Variants in ABCA13 observed in about 807,000 individuals in gnomAD.
ABCA13 encodes the protein ATP-binding cassette sub-family A member 13.
In ABCA13, 476 loss-of-function variants were observed where a neutral mutation model predicts 478.7. The ratio of observed to expected loss-of-function variants is 0.99; its 90% CI spans 0.92 to 1.07. The LOEUF (loss-of-function observed/expected upper bound fraction) is 1.07, where lower values mean the gene tolerates loss of function less well. Among genes scored for constraint, ABCA13 ranks in the 50% least tolerant of loss-of-function variants. The pLI, the probability that ABCA13 is intolerant of heterozygous loss-of-function variation, is 0.00. For synonymous variants in ABCA13, 2,252 were observed against 2,158.9 expected (o/e 1.04, Z -1.20); for missense variants, 6,060 against 5,910.6 (o/e 1.03, Z -0.83).
chr7:48,582,206 A>G (rs1402728356), intron 56 of ABCA13, among the ~76,000 whole-genome samples: 5 of 152,228 alleles, frequency 3.3e-5, no homozygotes, highest in Non-Finnish European at 5.9e-5. Flanking sequence ...TTGAAACCAT[A>G]TAAACCAGCT....
At chr7:48,251,469 G>A (rs1443205610) in intron 15 of ABCA13, among the ~76,000 whole-genome samples, 1 of 152,004 alleles carries the variant, frequency 6.6e-6, no homozygotes, top group Admixed American at 6.6e-5. Flanking sequence ...CCTAGCATAG[G>A]TCTCAAAAGT....
At chr7:48,520,893 A>G (rs1000127234) in intron 53 of ABCA13, among the ~76,000 whole-genome samples, 3 of 152,236 alleles carry the variant, frequency 2.0e-5, no homozygotes, top group Non-Finnish European at 4.4e-5. Context: ...CTAAATGCCA[A>G]GAACTCTGGG....
chr7:48,390,806 G>A (rs1319288277), intron 37 of ABCA13, among the ~76,000 whole-genome samples: 1 of 152,192 alleles, frequency 6.6e-6, no homozygotes, highest in East Asian at 1.9e-4. Flanking sequence ...CCACCATATG[G>A]AGGCAACCCA....
chr7:48,511,036 T>C (rs201119105), intron 50 of ABCA13, 48 bp from the exon 51 acceptor site: 1 of 1,415,978 alleles, frequency 7.1e-7, no homozygotes, highest in Non-Finnish European at 1.0e-6. Context: ...ATAATAAATA[T>C]GACCATCTGA....
In ABCA13 at chr7:48,274,719, G is replaced by A. The variant is rs2128756591; in HGVS notation, c.5053G>A (p.Val1685Ile). Residue 1685 changes from valine to isoleucine, a missense_variant, in exon 17 of 62, where the codon GTT becomes ATT. Physicochemically the swap from Val to Ile is conservative, Grantham distance 29 (BLOSUM62 3). Coordinates refer to ENST00000435803, the MANE Select transcript of ABCA13 (RefSeq NM_152701.5). ...CCTTTTAGTGGATCAGCTTGAACAA[G>A]TTAGTGTAAACCTAATGGATTTCTT... ...IDLLVDQLEQVSVNLMDFFKN... is the reference protein window; with the variant it reads ...IDLLVDQLEQISVNLMDFFKN... 6.2e-7 allele frequency: 1 copy of A among 1,613,984 alleles called. No homozygotes were observed.
chr7:48,597,161 A>G (rs996456142), intron 58 of ABCA13, among the ~76,000 whole-genome samples: 4 of 152,082 alleles, frequency 2.6e-5, no homozygotes, highest in East Asian at 3.9e-4. Flanking sequence ...CGTGTTAGCC[A>G]GGATGGTCTC....
rs1277043354 is a variant in ABCA13, at chr7:48,423,073, A to C, written c.12460-4693A>C. The stretch of plus-strand genomic sequence containing the variant: ...CACCACATTTGTGGTAATTTGTTAC[A>C]GCAGTGATAGGAAATTCATACAAGC... On this transcript the variant is annotated intron_variant, in intron 41 of 61. Coordinates refer to ENST00000435803, the MANE Select transcript of ABCA13 (RefSeq NM_152701.5). Among the ~76,000 whole-genome samples, 3 of 152,358 alleles carry C rather than the reference A, an allele frequency of 2.0e-5. No homozygotes were observed. In the South Asian group the frequency reaches 6.2e-4, roughly 32 times the overall value.
intron 1 of ABCA13, among the ~76,000 whole-genome samples, chr7:48,180,936 A>G (rs1437174211): frequency 6.6e-6 from 1 of 152,156 alleles, no homozygotes; most frequent in African/African-American, 2.4e-5. Context: ...AAACAAACAA[A>G]CAAACAAACA....
At chr7:48,497,300 A>G (rs901098674) in intron 48 of ABCA13, among the ~76,000 whole-genome samples, 1 of 151,982 alleles carries the variant, frequency 6.6e-6, no homozygotes, top group Non-Finnish European at 1.5e-5. Context: ...AATCATTTAT[A>G]TTTTCTAATG....
At chr7:48,498,982 C>T (rs1830505350) in intron 48 of ABCA13, among the ~76,000 whole-genome samples, 1 of 152,098 alleles carries the variant, frequency 6.6e-6, no homozygotes, top group African/African-American at 2.4e-5. Flanking sequence ...ATAATGCATA[C>T]ATGTAGAGAA....
intron 26 of ABCA13, among the ~76,000 whole-genome samples, chr7:48,316,448 C>T (rs1201787172): frequency 6.6e-6 from 1 of 152,074 alleles, no homozygotes; most frequent in African/African-American, 2.4e-5. Flanking sequence ...TTTTTGATTA[C>T]TTAGTTTGAA....
chr7:48,442,050 A>G (rs1351472671), intron 42 of ABCA13, among the ~76,000 whole-genome samples: 1 of 152,200 alleles, frequency 6.6e-6, no homozygotes, highest in East Asian at 1.9e-4. Context: ...AGGCTGTGTG[A>G]GTGCTGTACC....
At position 48,219,499 on chromosome 7, in the gene ABCA13, A is replaced by C. The variant is rs752751680; in HGVS notation, c.433A>C (p.Thr145Pro). The C allele has an allele frequency of 5.0e-6, 8 of 1,608,040 alleles. No individual in the cohort carries two copies. The South Asian group carries it at 8.9e-5, about 18-fold the overall frequency. ...LKRLWVERSN[T>P]PDSSYGSSFF... The stretch of plus-strand genomic sequence containing the variant: ...AAGACTTTGGGTAGAACGATCCAAC[A>C]CTCCAGGCAAGTAAACCTCTCATAA... The change falls in exon 4 of 62, where the codon ACT (threonine) becomes CCT (proline). Residue 145 changes from threonine to proline, a missense_variant. By Grantham distance (38) the Thr-to-Pro change is conservative. Around this residue, in one of 3 missense-constraint regions of ABCA13, gnomAD observed 4,423 missense variants for 4,309.1 expected, o/e 1.03. Coordinates refer to ENST00000435803, the MANE Select transcript of ABCA13 (RefSeq NM_152701.5).
intron 54 of ABCA13, among the ~76,000 whole-genome samples, chr7:48,527,182 G>T (rs1832942592): frequency 6.6e-6 from 1 of 152,116 alleles, no homozygotes; most frequent in South Asian, 2.1e-4. Flanking sequence ...GCTGATGGTG[G>T]TGTACCCTGG....
intron 52 of ABCA13, 125 bp downstream of exon 52, chr7:48,517,006 T>G (rs2130948479): frequency 9.3e-7 from 1 of 1,070,216 alleles, no homozygotes; most frequent in South Asian, 1.8e-5. Flanking sequence ...ATCCACTGTC[T>G]TTAAACTCCA....
intron 35 of ABCA13, among the ~76,000 whole-genome samples, chr7:48,384,277 C>T (rs1218033283): frequency 6.6e-6 from 1 of 152,180 alleles, no homozygotes; most frequent in African/African-American, 2.4e-5. Context: ...TCATTGTTCA[C>T]GTATGTGTCA....
chr7:48,249,386 T>C (rs767549103), intron 15 of ABCA13, 35 bp downstream of exon 15: 2 of 1,606,894 alleles, frequency 1.2e-6, no homozygotes, highest in East Asian at 4.5e-5. Flanking sequence ...GAATGGGGGA[T>C]GCTTTCCCCT....
chr7:48,200,958 C>G (rs1798601968), intron 3 of ABCA13, among the ~76,000 whole-genome samples: 2 of 151,932 alleles, frequency 1.3e-5, no homozygotes, highest in South Asian at 4.2e-4. Context: ...TGGCAGGTAC[C>G]CCAAGTCCAG....
Position 48,271,830 on chromosome 7 carries a change from T to C in ABCA13, c.2164T>C (p.Leu722=). ...GCACCTTCTAATGATGGAAAAGAAGTTGCACACCCTTGAGGATGAACAAAT... is the reference window on the plus strand; with the variant it reads ...GCACCTTCTAATGATGGAAAAGAAGCTGCACACCCTTGAGGATGAACAAAT... ...TKHLLMMEKK[L]HTLEDEQMNF... The change falls in exon 17 of 62, where the codon TTG becomes CTG. Residue 722 remains leucine (L), a synonymous_variant. Coordinates refer to ENST00000435803, the MANE Select transcript of ABCA13 (RefSeq NM_152701.5). 6.4e-7 allele frequency: 1 copy of C among 1,562,572 alleles called. No homozygotes were observed. The highest frequency in any genetic ancestry group is 8.7e-7 in the Non-Finnish European group (1 of 1,152,990).
Sources: allele counts gnomAD v4.1 joint callset (sites outside exome capture counted in the v4.1 genomes callset), GRCh38; gene constraint gnomAD v4.1.1; regional missense constraint gnomAD v4.1.1; transcripts MANE v1.5; gene names NCBI Gene and HGNC (gene_info 2026-07-23, HGNC 2026-07-21).